Variants in CFAP99 observed in about 807,000 individuals in gnomAD.
CFAP99 encodes the protein cilia and flagella associated protein 99.
Under a neutral mutation model 82.7 loss-of-function variants are expected in CFAP99, and 84 were observed. That is an observed-to-expected ratio of 1.02 (90% CI 0.85 to 1.22). CFAP99 has a LOEUF of 1.22. Among genes scored for constraint, CFAP99 ranks in the 50% most tolerant of loss-of-function variants. The pLI, the probability that CFAP99 is intolerant of heterozygous loss-of-function variation, is 0.00. For missense variants in CFAP99, 1,059 were observed against 983.5 expected, an observed-to-expected ratio of 1.08 and a Z score of -1.03; for synonymous variants, 456 against 429.5, an observed-to-expected ratio of 1.06 and a Z score of -0.76.
chr4:2,426,000 C>A (rs115583612), intron 1 of CFAP99, among the ~76,000 whole-genome samples: 3,179 of 152,300 alleles, frequency 0.021, 91 homozygotes, highest in African/African-American at 0.066. Flanking sequence ...TGCTCCCCAG[C>A]AGGGCCTGAT....
Position 2,452,920 on chromosome 4 carries a change from G to A in CFAP99, c.1161+574G>A, listed in dbSNP as rs141707836. On this transcript the variant is annotated intron_variant, in intron 11 of 14. Transcript: ENST00000635017. ...TCTGTAAAAAATACAAAAATTAGCC[G>A]GGCATGGTGGTGCGTGCCCGTAGTG... Among the ~76,000 whole-genome samples, 915 of 152,080 alleles carry A rather than the reference G, an allele frequency of 6.0e-3. 3 individuals carry two copies. The highest frequency in any genetic ancestry group is 0.019 in the African/African-American group (777 of 41,474).
intron 1 of CFAP99, 27 bp downstream of exon 1, chr4:2,419,120 G>C (rs895295474): frequency 3.9e-5 from 6 of 152,128 alleles, no homozygotes; most frequent in Admixed American, 6.5e-5. Flanking sequence ...GGTGCGGGGC[G>C]ACGCGCCGCC....
chr4:2,432,043 G>T (rs1334061579), intron 2 of CFAP99, among the ~76,000 whole-genome samples: 1 of 152,172 alleles, frequency 6.6e-6, no homozygotes, highest in African/African-American at 2.4e-5. Flanking sequence ...TCAATTAAAG[G>T]TATCTTTGCT....
In CFAP99 at chr4:2,447,010, GGATGGATGGGTA is replaced by G. The variant is rs534924410; in HGVS notation, c.642+1712_642+1723del. On this transcript the variant is annotated intron_variant, in intron 6 of 14. Transcript: ENST00000635017. ...TAGATGGATGGGTGGGCGAATGAAT[GGATGGATGGGTA>G]GATGGATGGATGGTTGGACTCATGG... Among the ~76,000 whole-genome samples, 4 of 152,058 alleles carry G rather than the reference GGATGGATGGGTA, an allele frequency of 2.6e-5. 1 individual carries two copies. The East Asian group carries it at 7.7e-4, about 29-fold the overall frequency.
intron 4 of CFAP99, among the ~76,000 whole-genome samples, chr4:2,442,229 G>T (rs908044073): frequency 1.3e-5 from 2 of 152,162 alleles, no homozygotes; most frequent in South Asian, 4.1e-4. Flanking sequence ...AGCACAAAAG[G>T]TCTGCTCCCA....
At chr4:2,456,635 T>C (rs1396383651) in intron 11 of CFAP99, among the ~76,000 whole-genome samples, 1 of 152,206 alleles carries the variant, frequency 6.6e-6, no homozygotes, top group Non-Finnish European at 1.5e-5. Flanking sequence ...TTCTACTGCC[T>C]CAGCCTCCTG....
chr4:2,445,900 G>T (rs1734154684), intron 6 of CFAP99, among the ~76,000 whole-genome samples: 1 of 152,142 alleles, frequency 6.6e-6, no homozygotes, highest in Non-Finnish European at 1.5e-5. Flanking sequence ...AGGACACCTG[G>T]GGCCAAGTAT....
At chr4:2,458,742 A>G in exon 12 of CFAP99, 1 of 1,535,006 alleles carries the variant, frequency 6.5e-7, no homozygotes, top group Non-Finnish European at 8.7e-7. Context: ...CTGATGCTGC[A>G]GCGTGCAGAG....
At position 2,448,982 on chromosome 4, in the gene CFAP99, G is replaced by A. The variant is rs1211863951; in HGVS notation, c.643-688G>A. On this transcript the variant is annotated intron_variant, in intron 6 of 14. Transcript: ENST00000635017. The surrounding 1 kb of genome is among the most constrained non-coding windows in gnomAD (Gnocchi z 5.2). ...TGGGTGAGGAATGGACAGCGGTCGTGGTCAGTGAGGCTGAGGGAGGGCTCG... is the reference window on the plus strand; with the variant it reads ...TGGGTGAGGAATGGACAGCGGTCGTAGTCAGTGAGGCTGAGGGAGGGCTCG... 1.3e-5 allele frequency among the ~76,000 whole-genome samples: 2 copies of A among 152,170 alleles called. No homozygotes were observed. Among genetic ancestry groups the A allele is most frequent in the Non-Finnish European group, 2.9e-5 (2 of 68,034 alleles).
chr4:2,428,879 G>A (rs1400814480), intron 2 of CFAP99: 3 of 152,324 alleles, frequency 2.0e-5, no homozygotes, highest in East Asian at 1.9e-4. Context: ...GTGTCCAGTG[G>A]GCACCTCCCG....
rs751747582 is a variant in CFAP99, at chr4:2,458,912, C to G, written c.1303+48C>G. ...TGGCCCTACCCCGCTCTTCCCCACT[C>G]GGGTGCTGGGCTGCCACCCTTTCCT... On this transcript the variant is annotated intron_variant, in intron 12 of 14. Coordinates refer to ENST00000635017, the Ensembl canonical transcript of CFAP99. 9.3e-6 allele frequency: 14 copies of G among 1,505,968 alleles called. No individual in the cohort carries two copies. In the East Asian group the frequency reaches 3.2e-4, roughly 34 times the overall value. The allele number at this position is 1,505,968 out of a possible 1,614,324, so 93.3% of individuals were successfully genotyped here. A position where few individuals can be genotyped will look rare whatever the true frequency, so the allele number is the denominator to read the frequency against.
exon 2 of CFAP99, chr4:2,426,509 A>G: frequency 6.5e-7 from 1 of 1,535,996 alleles, no homozygotes; most frequent in Non-Finnish European, 8.7e-7. Flanking sequence ...TGAAACTGTG[A>G]TCGAGCAACT....
chr4:2,454,595 T>G (rs11726488), intron 11 of CFAP99, among the ~76,000 whole-genome samples: 15,989 of 107,432 alleles, frequency 0.15, 958 homozygotes, highest in South Asian at 0.26. Context: ...TTTTTTTTTG[T>G]TTTTTTTTTT....
At chr4:2,454,594 G>GTTTTTTTTTTTTTTTTTTTTTT (rs1204498727) in intron 11 of CFAP99, among the ~76,000 whole-genome samples, 66 of 84,508 alleles carry the variant, frequency 7.8e-4, no homozygotes, top group Non-Finnish European at 1.0e-3. Flanking sequence ...TTTTTTTTTT[G>GTTTTTTTTTTTTTTTTTTTTTT]TTTTTTTTTT....
intron 1 of CFAP99, among the ~76,000 whole-genome samples, chr4:2,420,041 CCAGCCGACTGTGCCCTCTCCGTGACA>C (rs1733528517): frequency 6.6e-6 from 1 of 151,884 alleles, no homozygotes; most frequent in South Asian, 2.1e-4. Flanking sequence ...ACCACGTGAC[CCAGCCGACTGTGCCCTCTCCGTGACA>C]CAGCATCCTC....
downstream of CFAP99, chr4:2,462,959 C>G (rs1413671269): frequency 1.7e-6 from 2 of 1,175,678 alleles, no homozygotes; most frequent in Non-Finnish European, 1.1e-6. The surrounding 1 kb of genome is among the most constrained non-coding windows in gnomAD (Gnocchi z 4.1). Context: ...CGCTTGCGGG[C>G]CACCCCCTAC....
intron 1 of CFAP99, among the ~76,000 whole-genome samples, chr4:2,423,343 CAG>C (rs2108707130): frequency 6.6e-6 from 1 of 152,374 alleles, no homozygotes; most frequent in East Asian, 1.9e-4. Flanking sequence ...GGGCTGAATT[CAG>C]AGAGAGCAGG....
chr4:2,456,522 T>A (rs1292552143), intron 11 of CFAP99, among the ~76,000 whole-genome samples: 1 of 151,686 alleles, frequency 6.6e-6, no homozygotes, highest in East Asian at 1.9e-4. Context: ...ACAAAAAAAA[T>A]GTTTGTTTGT....
chr4:2,462,465 GCGGCGGCCC>G lies in CFAP99; in HGVS notation c.1692_1700del (p.Ala566_Pro568del). ...CAGGTGGGAGGAAAAGAAGGCCCTT[GCGGCGGCCC>G]CGGCGGCGCCCTCGCAGGACGAGCG... On this transcript the variant is annotated inframe_deletion, in exon 15 of 15. Transcript: ENST00000635017. The surrounding 1 kb of genome is among the most constrained non-coding windows in gnomAD (Gnocchi z 4.1). 1 of 1,466,994 alleles carries G rather than the reference GCGGCGGCCC, an allele frequency of 6.8e-7. No individual in the cohort carries two copies. Among genetic ancestry groups the G allele is most frequent in the Non-Finnish European group, 8.9e-7 (1 of 1,119,378 alleles). 90.9% of individuals were successfully genotyped at this position (1,466,994 alleles called of 1,614,324 possible). A position where few individuals can be genotyped will look rare whatever the true frequency, so the allele number is the denominator to read the frequency against.
Sources: allele counts gnomAD v4.1 joint callset (sites outside exome capture counted in the v4.1 genomes callset), GRCh38; gene constraint gnomAD v4.1.1; non-coding constraint Gnocchi (gnomAD v3.1); transcripts MANE v1.5; gene names NCBI Gene and HGNC (gene_info 2026-07-23, HGNC 2026-07-21).